Variants in ORC4 observed in about 807,000 individuals in gnomAD.
ORC4 encodes the protein origin recognition complex, subunit 4 homolog.
ORC4 carries 55 observed loss-of-function variants against 63.9 expected under a neutral mutation model. The observed-to-expected ratio is 0.86, with a 90% confidence interval of 0.69 to 1.08. The LOEUF is 1.08. Among genes scored for constraint, ORC4 ranks in the 50% least tolerant of loss-of-function variants. ORC4 has a pLI of 0.00. For synonymous variants in ORC4, 150 were observed against 168.5 expected, an observed-to-expected ratio of 0.89 and a Z score of 0.85; for missense variants, 511 against 504.4, an observed-to-expected ratio of 1.01 and a Z score of -0.13.
intron 4 of ORC4, chr2:147,960,096 A>T (rs905579086): frequency 4.0e-6 from 1 of 250,614 alleles, no homozygotes; most frequent in Non-Finnish European, 6.3e-6. Context: ...GTTTTAATTC[A>T]TACAATGTTT....
chr2:147,936,346 CCT>C (rs1212699769), intron 13 of ORC4: 1 of 152,390 alleles, frequency 6.6e-6, no homozygotes, highest in Non-Finnish European at 1.5e-5. Context: ...TTGTCTACTT[CCT>C]CTTATCCTTA....
chr2:147,987,101 G>A (rs575356511), intron 1 of ORC4, among the ~76,000 whole-genome samples: 5 of 150,836 alleles, frequency 3.3e-5, no homozygotes, highest in African/African-American at 7.3e-5. Context: ...CTGGGCTCAA[G>A]AGATCCTTCC....
intron 4 of ORC4, among the ~76,000 whole-genome samples, chr2:147,960,855 C>T (rs186348538): frequency 1.3e-4 from 20 of 152,104 alleles, no homozygotes; most frequent in African/African-American, 4.3e-4. Flanking sequence ...AGCCGCTGGG[C>T]GCCAGCATGG....
chr2:147,996,481 C>CTA (rs1215198210), intron 1 of ORC4, among the ~76,000 whole-genome samples: 1 of 152,076 alleles, frequency 6.6e-6, no homozygotes, highest in African/African-American at 2.4e-5. Flanking sequence ...CCAAATGGCA[C>CTA]TACTAAGAAA....
chr2:148,002,650 G>A (rs1015314927), intron 1 of ORC4, among the ~76,000 whole-genome samples: 6 of 151,932 alleles, frequency 3.9e-5, no homozygotes, highest in African/African-American at 1.4e-4. Context: ...AATGCCCACA[G>A]AAGAAAGCAG....
intron 1 of ORC4, among the ~76,000 whole-genome samples, chr2:147,987,197 A>AG (rs1042181695): frequency 2.6e-4 from 39 of 151,308 alleles, no homozygotes; most frequent in Middle Eastern, 3.4e-3. Flanking sequence ...AAAAAAAAAA[A>AG]AATCTCTTGG....
chr2:148,009,368 CA>C (rs777093767), intron 1 of ORC4, among the ~76,000 whole-genome samples: 2 of 151,816 alleles, frequency 1.3e-5, no homozygotes, highest in Admixed American at 6.6e-5. Context: ...AGACTAACAA[CA>C]AAAAGACGGA....
At chr2:148,014,273 T>C (rs944180305) in intron 1 of ORC4, among the ~76,000 whole-genome samples, 1 of 152,182 alleles carries the variant, frequency 6.6e-6, no homozygotes, top group Admixed American at 6.5e-5. Context: ...CCAATTTATG[T>C]TCAGAGTTTA....
chr2:147,994,744 G>C (rs1306639227), intron 1 of ORC4, among the ~76,000 whole-genome samples: 2 of 152,192 alleles, frequency 1.3e-5, no homozygotes, highest in Non-Finnish European at 2.9e-5. Flanking sequence ...TCCAAAAATG[G>C]CCGAGCACAG....
In ORC4 at chr2:147,952,369, T is replaced by C; in HGVS notation, c.588+4A>G. The C allele has an allele frequency of 2.5e-6, 4 of 1,590,480 alleles. No homozygotes were observed. The highest frequency in any genetic ancestry group is 3.4e-6 in the Non-Finnish European group (4 of 1,160,458). ...CAATTTTTTTAATGAACAGAAAGACTTACCAATCTACATGTAAGACCAATA... is the reference window on the plus strand; with the variant it reads ...CAATTTTTTTAATGAACAGAAAGACCTACCAATCTACATGTAAGACCAATA... On this transcript the variant is annotated splice_donor_region_variant and intron_variant, in intron 8 of 13. Transcript: ENST00000392857.
intron 1 of ORC4, among the ~76,000 whole-genome samples, chr2:147,979,732 C>T (rs1690760713): frequency 1.3e-5 from 2 of 152,040 alleles, no homozygotes; most frequent in South Asian, 2.1e-4. Context: ...TAAAAACAAA[C>T]ATACAGACCC....
chr2:147,984,239 C>T (rs913126538), intron 1 of ORC4, among the ~76,000 whole-genome samples: 1 of 152,142 alleles, frequency 6.6e-6, no homozygotes, highest in African/African-American at 2.4e-5. Context: ...AGATCAACCC[C>T]TCCTCTTCCT....
rs1467616130 is a variant in ORC4, at chr2:148,009,205, CA to C, written c.-18+11427del. The stretch of plus-strand genomic sequence containing the variant: ...AAAGCAAGAAATTAAAACATACTAC[CA>C]AAAAATAATTATCACAAAGGAAAAC... On this transcript the variant is annotated intron_variant, in intron 1 of 13. Coordinates refer to ENST00000392857, the MANE Select transcript of ORC4 (RefSeq NM_181741.4). Among the ~76,000 whole-genome samples the C allele has an allele frequency of 4.0e-5, 6 of 151,560 alleles. No individual in the cohort carries two copies. The South Asian group carries it at 1.0e-3, about 26-fold the overall frequency.
intron 4 of ORC4, chr2:147,960,220 G>C (rs1689511258): frequency 2.0e-6 from 2 of 979,986 alleles, no homozygotes; most frequent in Non-Finnish European, 1.2e-6. Flanking sequence ...CAGATTTATA[G>C]CTTTCTTTCC....
chr2:148,021,492 G>T, upstream of ORC4: 1 of 576,328 alleles, frequency 1.7e-6, no homozygotes. Flanking sequence ...TGCTGCTGCT[G>T]CTGCTACTGC....
At chr2:147,965,735 T>C (rs974133951) in intron 4 of ORC4, among the ~76,000 whole-genome samples, 4 of 152,192 alleles carry the variant, frequency 2.6e-5, no homozygotes, top group African/African-American at 7.2e-5. Flanking sequence ...AATACATCTA[T>C]AGAACATTTC....
intron 1 of ORC4, among the ~76,000 whole-genome samples, chr2:147,983,765 A>G (rs963799853): frequency 2.0e-5 from 3 of 152,352 alleles, no homozygotes; most frequent in Non-Finnish European, 4.4e-5. Context: ...ATTTACTACA[A>G]AGCCAATCAA....
At chr2:148,001,580 G>C (rs981593402) in intron 1 of ORC4, among the ~76,000 whole-genome samples, 1 of 152,038 alleles carries the variant, frequency 6.6e-6, no homozygotes, top group Admixed American at 6.6e-5. Flanking sequence ...GTCACCACCA[G>C]GCCTGCCTTA....
Position 147,955,359 on chromosome 2 carries a change from C to G in ORC4, c.424G>C (p.Ala142Pro). Reference sequence around the variant, plus strand: ...TGTTAATATTTACCTTTTTTTAAAGCTTCCAGAAGAAATGAAAGGTTTTCA... The same window carrying G: ...TGTTAATATTTACCTTTTTTTAAAGGTTCCAGAAGAAATGAAAGGTTTTCA... ...FAENLSFLLEALKKGDRTSSC... is the reference protein window; with the variant it reads ...FAENLSFLLEPLKKGDRTSSC... Residue 142 changes from alanine (A) to proline (P), a missense_variant, in exon 7 of 14, where the codon GCT (alanine) becomes CCT (proline). Transcript: ENST00000392857. 1 of 1,600,722 alleles carries G rather than the reference C, an allele frequency of 6.2e-7. No homozygotes were observed. The highest frequency in any genetic ancestry group is 8.5e-7 in the Non-Finnish European group (1 of 1,170,096).
Sources: allele counts gnomAD v4.1 joint callset (sites outside exome capture counted in the v4.1 genomes callset), GRCh38; gene constraint gnomAD v4.1.1; transcripts MANE v1.5; gene names NCBI Gene and HGNC (gene_info 2026-07-23, HGNC 2026-07-21).